The following TMEM114 variants were observed in gnomAD, a reference collection of about 807,000 sequenced individuals.
TMEM114 encodes claudin-26.
TMEM114 carries 6 observed loss-of-function variants against 6.2 expected under a neutral mutation model. That is an observed-to-expected ratio of 0.97 (90% CI 0.53 to 1.91). The LOEUF (loss-of-function observed/expected upper bound fraction) is 1.91, where lower values mean the gene tolerates loss of function less well. Among genes scored for constraint, TMEM114 ranks in the 40% most tolerant of loss-of-function variants. The probability of loss-of-function intolerance (pLI) is 0.01; values close to 1 mark genes in which losing one functional copy is unlikely to be tolerated. For missense variants in TMEM114, 218 were observed against 158.3 expected (o/e 1.38, Z -2.02); for synonymous variants, 104 against 73.0 (o/e 1.42, Z -2.16).
Position 8,569,974 on chromosome 16 carries a change from G to T in TMEM114, c.471C>A (p.Tyr157Ter). 2 of 1,550,848 alleles carry T rather than the reference G, an allele frequency of 1.3e-6. No individual in the cohort carries two copies. Among genetic ancestry groups the T allele is most frequent in the Non-Finnish European group, 1.7e-6 (2 of 1,146,876 alleles). ...GGAAGGCGGCGGCTGAATACGCTAT[G>T]TAGACGCTGATCCCAGCGAGGGTCA... ...AMVTLAGISVYIAYSAAAFRE... is the reference protein window; with the variant it reads ...AMVTLAGISV Residue 157 changes from tyrosine (Y) to a stop codon, truncating the protein, a stop_gained, in exon 4 of 4, where the codon TAC becomes TAA. Transcript: ENST00000620492. LOFTEE classifies it high-confidence loss of function.
At position 8,572,244 on chromosome 16, in the gene TMEM114, A is replaced by G. The variant is rs1446341082; in HGVS notation, c.302-20T>C. 1 of 1,551,614 alleles carries G rather than the reference A, an allele frequency of 6.4e-7. No individual in the cohort carries two copies. The highest frequency in any genetic ancestry group is 2.4e-5 in the East Asian group (1 of 40,908). ...GCATGGCTTAGAAGAGACAGAGAGGATACCAGGCAGAGGACAGTTACTAAC... is the reference window on the plus strand; with the variant it reads ...GCATGGCTTAGAAGAGACAGAGAGGGTACCAGGCAGAGGACAGTTACTAAC... On this transcript the variant is annotated intron_variant, in intron 2 of 3. Transcript: ENST00000620492.
At chr16:8,562,906 GAGTGAAT>G (rs1901316580) in intron 2 of TMEM114, among the ~76,000 whole-genome samples, 1 of 44,054 alleles carries the variant, frequency 2.3e-5, no homozygotes, top group African/African-American at 6.9e-5. Flanking sequence ...GTGAATGAGT[GAGTGAAT>G]GAGTAAATGA....
At chr16:8,537,512 A>C (rs1044860468), downstream of TMEM114, 1 of 152,180 alleles carries the variant, frequency 6.6e-6, no homozygotes, top group Non-Finnish European at 1.5e-5. Flanking sequence ...AAAACAAACA[A>C]ACAAACAAAA....
At chr16:8,555,933 C>T (rs1278032208) in intron 2 of TMEM114, among the ~76,000 whole-genome samples, 1 of 152,220 alleles carries the variant, frequency 6.6e-6, no homozygotes, top group Non-Finnish European at 1.5e-5. Flanking sequence ...CCAACTGCCT[C>T]TTGGACGTGT....
chr16:8,572,190 G>C lies in TMEM114; in HGVS notation c.336C>G (p.Leu112=). ...MHGTFVILLP[L]SLILMVFGGM... ...CCCCAAAAACCATCAGGATCAGGCT[G>C]AGCGGCAGCAGAATCACAAATGTCC... Residue 112 remains leucine (L), a synonymous_variant, in exon 3 of 4, where the codon CTC becomes CTG. Coordinates refer to ENST00000620492, the MANE Select transcript of TMEM114 (RefSeq NM_001146336.2). The C allele has an allele frequency of 6.4e-7, 1 of 1,551,684 alleles. No individual in the cohort carries two copies. Among genetic ancestry groups the C allele is most frequent in the Non-Finnish European group, 8.7e-7 (1 of 1,146,980 alleles).
chr16:8,554,299 C>G (rs578077421), intron 2 of TMEM114, among the ~76,000 whole-genome samples: 1 of 152,050 alleles, frequency 6.6e-6, no homozygotes, highest in East Asian at 1.9e-4. Flanking sequence ...CTCAAGCCTG[C>G]AATTCCAGCC....
intron 2 of TMEM114, among the ~76,000 whole-genome samples, chr16:8,583,841 T>C (rs374899804): frequency 2.0e-5 from 3 of 152,070 alleles, no homozygotes; most frequent in Non-Finnish European, 4.4e-5. Context: ...CTACACCTGA[T>C]GACAGCACCT....
chr16:8,569,460 G>A (rs1348192731), downstream of TMEM114: 45 of 1,191,486 alleles, frequency 3.8e-5, no homozygotes, highest in Non-Finnish European at 4.6e-5. Flanking sequence ...AAATGAAGTC[G>A]GAGGGGGCGT....
chr16:8,574,959 A>G (rs912813978), intron 2 of TMEM114, among the ~76,000 whole-genome samples: 1 of 152,178 alleles, frequency 6.6e-6, no homozygotes, highest in Admixed American at 6.5e-5. Flanking sequence ...GCTTTGGAAC[A>G]TGAATATTGA....
chr16:8,529,326 T>C, the TMEM114 span, among the ~76,000 whole-genome samples: 1 of 152,248 alleles, frequency 6.6e-6, no homozygotes, highest in Admixed American at 6.5e-5. Flanking sequence ...CAAAGCCATC[T>C]GAGACCGTTG....
intron 2 of TMEM114, among the ~76,000 whole-genome samples, chr16:8,577,092 G>T (rs1237694068): frequency 1.3e-5 from 2 of 152,216 alleles, no homozygotes; most frequent in African/African-American, 4.8e-5. Context: ...CTTCAGAGGA[G>T]CTGCCTCAAT....
At chr16:8,560,199 T>G (rs1222421970) in intron 2 of TMEM114, among the ~76,000 whole-genome samples, 1 of 151,998 alleles carries the variant, frequency 6.6e-6, no homozygotes, top group Non-Finnish European at 1.5e-5. Flanking sequence ...GGTCTTGCTA[T>G]GTTGCTTAGG....
chr16:8,584,967 A>G (rs1446625198), intron 2 of TMEM114, among the ~76,000 whole-genome samples: 1 of 151,924 alleles, frequency 6.6e-6, no homozygotes, highest in Non-Finnish European at 1.5e-5. Context: ...AAAGAAAAGA[A>G]AAAGAAAAAG....
At chr16:8,550,631 T>G (rs1157293239) in intron 2 of TMEM114, among the ~76,000 whole-genome samples, 1 of 149,294 alleles carries the variant, frequency 6.7e-6, no homozygotes, top group Non-Finnish European at 1.5e-5. Flanking sequence ...TGAGCTGAGA[T>G]CGCACCATTG....
chr16:8,546,478 T>C (rs1436670917), intron 2 of TMEM114, among the ~76,000 whole-genome samples: 3 of 152,162 alleles, frequency 2.0e-5, no homozygotes, highest in Non-Finnish European at 2.9e-5. Context: ...CCGGACATTA[T>C]CTACAGGAAC....
the TMEM114 span, among the ~76,000 whole-genome samples, chr16:8,528,117 C>T: frequency 1.3e-5 from 2 of 151,992 alleles, no homozygotes; most frequent in African/African-American, 2.4e-5. Flanking sequence ...CCCAGGCTGT[C>T]CTTGAACTCC....
chr16:8,538,547 G>A (rs371855785), intron 2 of TMEM114, among the ~76,000 whole-genome samples: 45 of 151,776 alleles, frequency 3.0e-4, no homozygotes, highest in African/African-American at 9.7e-4. Context: ...TTGCTCTGTC[G>A]CCCAGGCTGG....
intron 2 of TMEM114, among the ~76,000 whole-genome samples, chr16:8,561,411 C>G (rs1901195305): frequency 6.6e-6 from 1 of 152,268 alleles, no homozygotes; most frequent in African/African-American, 2.4e-5. Context: ...GCATACCCCG[C>G]ATTCCACCAG....
At chr16:8,583,987 G>A (rs554695934) in intron 2 of TMEM114, among the ~76,000 whole-genome samples, 2 of 152,342 alleles carry the variant, frequency 1.3e-5, no homozygotes, top group Admixed American at 1.3e-4. Flanking sequence ...CCCTTGGCTG[G>A]AGGGATTGGC....
Sources: gnomAD v4.1 joint callset for allele counts (sites outside exome capture counted in the v4.1 genomes callset) on GRCh38, gnomAD v4.1.1 for gene constraint, MANE v1.5 for transcripts, NCBI Gene and HGNC (gene_info 2026-07-23, HGNC 2026-07-21) for gene names.